Variants in MKX observed in about 807,000 individuals in gnomAD.
MKX encodes the protein homeobox protein Mohawk.
Under a neutral mutation model 36.0 loss-of-function variants are expected in MKX, and 13 were observed. That is an observed-to-expected ratio of 0.36 (90% CI 0.24 to 0.57). The LOEUF (loss-of-function observed/expected upper bound fraction) is 0.57, where lower values mean the gene tolerates loss of function less well. MKX is among the 20% of genes least tolerant of loss of function. MKX has a pLI of 0.79. For missense variants in MKX, 458 were observed against 456.4 expected, an observed-to-expected ratio of 1.00 and a Z score of -0.03; for synonymous variants, 176 against 178.3, an observed-to-expected ratio of 0.99 and a Z score of 0.10.
chr10:27,736,592 A>G (rs1000589410), intron 3 of MKX, among the ~76,000 whole-genome samples: 5 of 152,128 alleles, frequency 3.3e-5, no homozygotes, highest in Non-Finnish European at 4.4e-5. Flanking sequence ...AAGAAAGGCC[A>G]GATTACTATA....
intron 5 of MKX, among the ~76,000 whole-genome samples, chr10:27,733,375 T>C (rs1293161829): frequency 6.6e-6 from 1 of 152,192 alleles, no homozygotes; most frequent in East Asian, 1.9e-4. Context: ...TTCTTGATAT[T>C]ATGAAGAAAA....
rs143614425 is a variant in MKX at position 27,686,496 on chromosome 10, T to G, written c.839-10942A>C. ...GAAGAGAAAAGTCTTTTCTTTCTTC[T>G]GAGACAGTCTTGTTCTGTCACCCAG... On this transcript the variant is annotated intron_variant, in intron 5 of 6. Coordinates refer to ENST00000419761, the MANE Select transcript of MKX (RefSeq NM_173576.3). Among the ~76,000 whole-genome samples the G allele has an allele frequency of 1.5e-3, 226 of 152,222 alleles. 1 individual carries two copies. Among genetic ancestry groups the G allele is most frequent in the African/African-American group, 5.2e-3 (214 of 41,538 alleles).
chr10:27,729,171 T>C (rs1834561629), intron 5 of MKX, among the ~76,000 whole-genome samples: 1 of 152,232 alleles, frequency 6.6e-6, no homozygotes, highest in African/African-American at 2.4e-5. Context: ...TTAAGAGGGA[T>C]TTTAGAGAGT....
chr10:27,738,873 T>C (rs938654382), intron 3 of MKX, among the ~76,000 whole-genome samples: 4 of 152,022 alleles, frequency 2.6e-5, no homozygotes, highest in African/African-American at 9.7e-5. Flanking sequence ...CACCATGTAA[T>C]ATAACACTTG....
intron 5 of MKX, among the ~76,000 whole-genome samples, chr10:27,711,094 T>A (rs1836842661): frequency 6.6e-6 from 1 of 152,178 alleles, no homozygotes; most frequent in African/African-American, 2.4e-5. Context: ...ATGATAATAA[T>A]TTTTTTGTAC....
intron 5 of MKX, among the ~76,000 whole-genome samples, chr10:27,707,685 A>G (rs932884526): frequency 6.6e-6 from 1 of 152,222 alleles, no homozygotes; most frequent in Non-Finnish European, 1.5e-5. Flanking sequence ...CTTAGCATCT[A>G]TTGGCACTAA....
chr10:27,728,268 G>A (rs183756258), intron 5 of MKX, among the ~76,000 whole-genome samples: 1 of 152,302 alleles, frequency 6.6e-6, no homozygotes, highest in Non-Finnish European at 1.5e-5. Flanking sequence ...AAGAGAAACC[G>A]TGCGTGTGCA....
chr10:27,745,572 C>G (rs1183421012), intron 1 of MKX, 135 bp downstream of exon 1: 1 of 152,410 alleles, frequency 6.6e-6, no homozygotes, highest in Admixed American at 6.5e-5. Context: ...GGCCGCTACC[C>G]GAGCGCCTCT....
intron 5 of MKX, among the ~76,000 whole-genome samples, chr10:27,721,400 A>G (rs891361976): frequency 6.6e-6 from 1 of 152,230 alleles, no homozygotes; most frequent in Non-Finnish European, 1.5e-5. Context: ...GATAGACTGG[A>G]TAAAGGAAAT....
At chr10:27,724,760 C>CAT (rs936440770) in intron 5 of MKX, among the ~76,000 whole-genome samples, 1 of 149,012 alleles carries the variant, frequency 6.7e-6, no homozygotes. Context: ...ACTACCTACA[C>CAT]ACACACACAC....
rs1322976132 is a variant in MKX, at chr10:27,741,866, G to A, written c.189-362C>T. Among the ~76,000 whole-genome samples, 3 of 152,326 alleles carry A rather than the reference G, an allele frequency of 2.0e-5. No homozygotes were observed. In the East Asian group the frequency reaches 5.8e-4, roughly 30 times the overall value. On this transcript the variant is annotated intron_variant, in intron 2 of 6. Transcript: ENST00000419761. This position sits in a 1 kb window ranked among gnomAD's most constrained non-coding sequence, Gnocchi z 5.1. ...TCACCCGCTGGCGCCGCACCCTCGA[G>A]TGGCCCTGGCCTGGCAGGCCTGGCA...
chr10:27,711,494 T>TCTCTCCCTTCCTTC (rs1554772211), intron 5 of MKX, among the ~76,000 whole-genome samples: 3 of 34,152 alleles, frequency 8.8e-5, no homozygotes, highest in African/African-American at 2.9e-4. Context: ...TCTCTCTCTC[T>TCTCTCCCTTCCTTC]CTTCTTTCCT....
chr10:27,692,766 G>A (rs906754651), intron 5 of MKX, among the ~76,000 whole-genome samples: 8 of 152,190 alleles, frequency 5.3e-5, no homozygotes, highest in Non-Finnish European at 1.0e-4. Flanking sequence ...GCCTCAAAAA[G>A]AACAGAGCAT....
intron 5 of MKX, among the ~76,000 whole-genome samples, chr10:27,710,337 C>T (rs1354145655): frequency 1.3e-5 from 2 of 152,174 alleles, no homozygotes; most frequent in African/African-American, 4.8e-5. Context: ...ATTCTTGATC[C>T]CTGGTTTAAA....
chr10:27,701,725 A>C (rs1836660222), intron 5 of MKX, among the ~76,000 whole-genome samples: 1 of 140,362 alleles, frequency 7.1e-6, no homozygotes, highest in South Asian at 2.1e-4. Context: ...ACATATTTAT[A>C]TTATATTATA....
chr10:27,698,674 G>A (rs771538658), intron 5 of MKX, among the ~76,000 whole-genome samples: 1 of 152,174 alleles, frequency 6.6e-6, no homozygotes, highest in African/African-American at 2.4e-5. Context: ...AGAGTATGTG[G>A]TGTTTTCAGG....
At chr10:27,718,518 G>T in intron 5 of MKX, 1 of 388,406 alleles carries the variant, frequency 2.6e-6, no homozygotes, top group South Asian at 1.9e-5. Context: ...ATATTGGCAA[G>T]AAGGAGTGGA....
chr10:27,686,389 AAGGGAAAGGAAGGAAGGAAGGAAGG>A lies in MKX; in HGVS notation c.839-10860_839-10836del, dbSNP rs1253889893. Among the ~76,000 whole-genome samples, 124 of 134,388 alleles carry A rather than the reference AAGGGAAAGGAAGGAAGGAAGGAAGG, an allele frequency of 9.2e-4. 1 individual carries two copies. Among genetic ancestry groups the A allele is most frequent in the South Asian group, 5.1e-3 (20 of 3,926 alleles). 88.2% of individuals were successfully genotyped at this position (134,388 alleles called of 152,430 possible). On this transcript the variant is annotated intron_variant, in intron 5 of 6. Coordinates refer to ENST00000419761, the MANE Select transcript of MKX (RefSeq NM_173576.3). ...GAAAGAAAGAAAGGGAAGGGAAGGGAAGGGAAAGGAAGGAAGGAAGGAAGGAAGGAAGGAAGGAAGGAAGGAAGGA... is the reference window on the plus strand; with the variant it reads ...GAAAGAAAGAAAGGGAAGGGAAGGGAAAGGAAGGAAGGAAGGAAGGAAGGA...
intron 5 of MKX, among the ~76,000 whole-genome samples, chr10:27,685,933 G>C (rs1055602094): frequency 2.0e-5 from 3 of 152,138 alleles, no homozygotes; most frequent in Non-Finnish European, 2.9e-5. Flanking sequence ...ATCATTCTAA[G>C]TGATATTTGC....
Sources: allele counts gnomAD v4.1 joint callset (sites outside exome capture counted in the v4.1 genomes callset), GRCh38; gene constraint gnomAD v4.1.1; non-coding constraint Gnocchi (gnomAD v3.1); transcripts MANE v1.5; gene names NCBI Gene and HGNC (gene_info 2026-07-23, HGNC 2026-07-21).